The following PLXNC1 variants were observed in gnomAD, a reference collection of about 807,000 sequenced individuals.
PLXNC1 encodes the protein plexin C1.
PLXNC1 carries 75 observed loss-of-function variants against 178.2 expected under a neutral mutation model. That is an observed-to-expected ratio of 0.42 (90% CI 0.35 to 0.51). The LOEUF (loss-of-function observed/expected upper bound fraction) is 0.51. PLXNC1 is among the 20% of genes least tolerant of loss of function. The pLI, the probability that PLXNC1 is intolerant of heterozygous loss-of-function variation, is 0.02. For synonymous variants in PLXNC1, 790 were observed against 779.9 expected (o/e 1.01, Z -0.22); for missense variants, 1,503 against 1,984.4 (o/e 0.76, Z 4.61).
At chr12:94,241,179 T>A (rs1964377965) in intron 11 of PLXNC1, among the ~76,000 whole-genome samples, 2 of 152,180 alleles carry the variant, frequency 1.3e-5, no homozygotes, top group South Asian at 4.1e-4. Flanking sequence ...ATCTCCCTAG[T>A]TGAATTTTTA....
intron 1 of PLXNC1, among the ~76,000 whole-genome samples, chr12:94,151,440 A>C (rs945808824): frequency 1.3e-5 from 2 of 152,206 alleles, no homozygotes; most frequent in Non-Finnish European, 2.9e-5. Context: ...TGTTACTGGT[A>C]TAATTTTTAA....
At position 94,248,384 on chromosome 12, in the gene PLXNC1, C is replaced by T. The variant is rs763944530; in HGVS notation, c.2750C>T (p.Thr917Ile). 3 of 1,608,762 alleles carry T rather than the reference C, an allele frequency of 1.9e-6. No homozygotes were observed. The highest frequency in any genetic ancestry group is 2.5e-6 in the Non-Finnish European group (3 of 1,178,370). The change falls in exon 14 of 31, where the codon ACC (threonine) becomes ATC (isoleucine). Residue 917 changes from threonine to isoleucine, a missense_variant. Around this residue, in one of 4 missense-constraint regions of PLXNC1, gnomAD observed 639 missense variants for 979.7 expected, o/e 0.65. Transcript: ENST00000258526. ...CKIKGIKTAS[T>I]IANSSKKVRV... is the part of the protein sequence containing the mutation. ...ATTAAAGGCATCAAGACTGCAAGCA[C>T]CATTGCCAACTCTTCTAAGAAAGTT...
At chr12:94,180,422 A>G (rs1296688994) in intron 2 of PLXNC1, among the ~76,000 whole-genome samples, 1 of 152,132 alleles carries the variant, frequency 6.6e-6, no homozygotes, top group East Asian at 1.9e-4. Flanking sequence ...TATATTTTAT[A>G]ATTTACTTTT....
chr12:94,299,094 TTGTGG>T (rs1199707374), intron 27 of PLXNC1, among the ~76,000 whole-genome samples: 1 of 152,172 alleles, frequency 6.6e-6, no homozygotes, highest in Non-Finnish European at 1.5e-5. Flanking sequence ...AAATTAACAT[TTGTGG>T]TTTTATATCA....
intron 9 of PLXNC1, among the ~76,000 whole-genome samples, chr12:94,231,020 G>A (rs1414850961): frequency 6.6e-6 from 1 of 152,172 alleles, no homozygotes; most frequent in Non-Finnish European, 1.5e-5. Context: ...ATGAGTACAT[G>A]AGTAAAAATA....
intron 4 of PLXNC1, among the ~76,000 whole-genome samples, chr12:94,209,115 A>G (rs1359110387): frequency 3.9e-5 from 6 of 152,256 alleles, no homozygotes; most frequent in Admixed American, 3.9e-4. Context: ...GCAAAGCACA[A>G]AATAGTAACT....
chr12:94,226,794 C>A (rs559243411), intron 8 of PLXNC1, 87 bp downstream of exon 8: 2 of 942,136 alleles, frequency 2.1e-6, no homozygotes, highest in Non-Finnish European at 1.7e-6. Context: ...GAGGTCGAGG[C>A]GGGTGGATCA....
rs74363076 is a variant in PLXNC1, at chr12:94,183,259, C to T, written c.1338+1679C>T. ...GTAGTTTCTGGTATTCTTATAAAGA[C>T]GATACTGTTCTTTGCACATTGAAAA... is the stretch of plus-strand genomic sequence containing the variant. On this transcript the variant is annotated intron_variant, in intron 3 of 30. Coordinates refer to ENST00000258526, the MANE Select transcript of PLXNC1 (RefSeq NM_005761.3). 3.9e-3 allele frequency among the ~76,000 whole-genome samples: 598 copies of T among 152,290 alleles called. 1 individual carries two copies. Among genetic ancestry groups the T allele is most frequent in the African/African-American group, 0.014 (569 of 41,548 alleles).
At chr12:94,284,663 C>T (rs897919248) in intron 23 of PLXNC1, among the ~76,000 whole-genome samples, 2 of 151,962 alleles carry the variant, frequency 1.3e-5, no homozygotes, top group Non-Finnish European at 2.9e-5. Flanking sequence ...GGTCTGGTAA[C>T]AGCTAGTCAG....
At position 94,301,062 on chromosome 12, in the gene PLXNC1, GGCC is replaced by G. The variant is rs1442913411; in HGVS notation, c.4386+6_4386+8del. On this transcript the variant is annotated splice_donor_region_variant and intron_variant, in intron 28 of 30. Coordinates refer to ENST00000258526, the MANE Select transcript of PLXNC1 (RefSeq NM_005761.3). ...ACAGAGCAGCAACTAGGGAAGGTAAGGCCCAGCTTGAGTATTTCTTGTATGCAG... is the reference window on the plus strand; with the variant it reads ...ACAGAGCAGCAACTAGGGAAGGTAAGCAGCTTGAGTATTTCTTGTATGCAG... The G allele has an allele frequency of 1.2e-6, 2 of 1,613,154 alleles. No individual in the cohort carries two copies. Among genetic ancestry groups the G allele is most frequent in the Non-Finnish European group, 1.7e-6 (2 of 1,179,436 alleles).
At chr12:94,296,128 C>A (rs187900771) in intron 24 of PLXNC1, among the ~76,000 whole-genome samples, 95 of 152,268 alleles carry the variant, frequency 6.2e-4, no homozygotes, top group African/African-American at 2.2e-3. Context: ...CCATCTACTC[C>A]CCATTTTCCA....
At position 94,192,927 on chromosome 12, in the gene PLXNC1, G is replaced by A. The variant is rs866446858; in HGVS notation, c.1439+6454G>A. ...TAAGTAAAGGAGATAAATGAATAGA[G>A]TGTCATAAGAGCTAGCATGGGGGAA... On this transcript the variant is annotated intron_variant, in intron 4 of 30. Transcript: ENST00000258526. 9.2e-5 allele frequency among the ~76,000 whole-genome samples: 14 copies of A among 152,280 alleles called. No individual in the cohort carries two copies. The Middle Eastern group carries it at 0.017, about 185-fold the overall frequency.
Position 94,220,161 on chromosome 12 carries a change from A to G in PLXNC1, c.1700A>G (p.Lys567Arg), listed in dbSNP as rs374991360. 29 of 1,613,090 alleles carry G rather than the reference A, an allele frequency of 1.8e-5. No individual in the cohort carries two copies. Among genetic ancestry groups the G allele is most frequent in the Non-Finnish European group, 2.5e-5 (29 of 1,179,498 alleles). Residue 567 changes from lysine to arginine, a missense_variant and splice_region_variant, in exon 6 of 31, where the codon AAA (lysine) becomes AGA (arginine). By Grantham distance (26) the Lys-to-Arg change is conservative. Coordinates refer to ENST00000258526, the MANE Select transcript of PLXNC1 (RefSeq NM_005761.3). Reference sequence around the variant, plus strand: ...AGCATCCCAACCAGAGCAACCTACAAAGGTATGTGGATTCTTCTGGGTTAT... The same window carrying G: ...AGCATCCCAACCAGAGCAACCTACAGAGGTATGTGGATTCTTCTGGGTTAT... ...TCSIPTRATYKDVSVVNVMFS... is the reference protein window; with the variant it reads ...TCSIPTRATYRDVSVVNVMFS...
rs547083570 is a variant in PLXNC1, at chr12:94,167,059, A to AT, written c.1063-2094_1063-2093insT. Among the ~76,000 whole-genome samples, 302 of 152,242 alleles carry AT rather than the reference A, an allele frequency of 2.0e-3. 2 individuals are homozygous for AT. The highest frequency in any genetic ancestry group is 0.011 in the East Asian group (57 of 5,186). The stretch of plus-strand genomic sequence containing the variant: ...ATCCCGGACTTACTTTGAAAAAAAA[A>AT]CTACAATTGTTGAGGACAGCCAGAA... On this transcript the variant is annotated intron_variant, in intron 1 of 30. Transcript: ENST00000258526.
intron 13 of PLXNC1, 29 bp downstream of exon 13, chr12:94,248,135 G>A: frequency 6.3e-7 from 1 of 1,599,348 alleles, no homozygotes; most frequent in Non-Finnish European, 8.6e-7. Flanking sequence ...TGGGTGGGAT[G>A]TCACCCCGAC....
chr12:94,251,579 G>C, intron 15 of PLXNC1, 51 bp downstream of exon 15: 1 of 1,163,866 alleles, frequency 8.6e-7, no homozygotes, highest in African/African-American at 1.5e-5. Flanking sequence ...GGGGCCTCTC[G>C]CCGGGCAGGC....
chr12:94,222,139 G>A (rs73364697), intron 6 of PLXNC1, among the ~76,000 whole-genome samples: 2,966 of 152,216 alleles, frequency 0.019, 96 homozygotes, highest in African/African-American at 0.067. Context: ...TGCATTTCTG[G>A]TTAATTTTGT....
intron 17 of PLXNC1, among the ~76,000 whole-genome samples, chr12:94,258,775 G>C (rs777128250): frequency 5.3e-5 from 8 of 152,232 alleles, no homozygotes; most frequent in Non-Finnish European, 1.2e-4. Flanking sequence ...GATGAGGCAA[G>C]TCAGACACAG....
chr12:94,289,272 T>G (rs1274922226), intron 23 of PLXNC1, among the ~76,000 whole-genome samples: 9 of 152,218 alleles, frequency 5.9e-5, no homozygotes. Context: ...CAACTTCTCA[T>G]TCTAATGATG....
Sources: gnomAD v4.1 joint callset for allele counts (sites outside exome capture counted in the v4.1 genomes callset) on GRCh38, gnomAD v4.1.1 for gene constraint, gnomAD v4.1.1 regional missense constraint, MANE v1.5 for transcripts, NCBI Gene and HGNC (gene_info 2026-07-23, HGNC 2026-07-21) for gene names.